The following TOB2 variants were observed in gnomAD, a reference collection of about 807,000 sequenced individuals.
The protein encoded by TOB2 is transducer of ERBB2, 2, also known as protein Tob2.
TOB2 carries 3 observed loss-of-function variants against 17.3 expected under a neutral mutation model. The ratio of observed to expected loss-of-function variants is 0.17; its 90% CI spans 0.08 to 0.45. The LOEUF (loss-of-function observed/expected upper bound fraction) is 0.45, where lower values mean the gene tolerates loss of function less well. Among genes scored for constraint, TOB2 ranks in the 20% least tolerant of loss-of-function variants. The pLI, the probability that TOB2 is intolerant of heterozygous loss-of-function variation, is 0.99. For synonymous variants in TOB2, 163 were observed against 185.6 expected (o/e 0.88, Z 0.99); for missense variants, 407 against 445.7 (o/e 0.91, Z 0.78).
At chr22:41,437,850 T>A (rs2037571140) in intron 1 of TOB2, among the ~76,000 whole-genome samples, 1 of 144,446 alleles carries the variant, frequency 6.9e-6, no homozygotes, top group Non-Finnish European at 1.5e-5. Context: ...CTTGGGAGGC[T>A]GAGGCAGGAG....
At chr22:41,444,769 C>G (rs2037663775) in intron 1 of TOB2, among the ~76,000 whole-genome samples, 1 of 152,224 alleles carries the variant, frequency 6.6e-6, no homozygotes, top group Non-Finnish European at 1.5e-5. Flanking sequence ...GAGAGCCTAA[C>G]TTTCCCACCT....
chr22:41,446,004 G>C (rs962062493), intron 1 of TOB2, among the ~76,000 whole-genome samples: 1 of 152,122 alleles, frequency 6.6e-6, no homozygotes, highest in Non-Finnish European at 1.5e-5. Context: ...TCCTTCCTCG[G>C]ATTTATTTAA....
chr22:41,433,631 AAC>A lies in TOB2; in HGVS notation c.*2678_*2679del, dbSNP rs924512631. On this transcript the variant is annotated 3_prime_UTR_variant, in exon 2 of 2. Transcript: ENST00000327492. ...AATGTCCCATTCCAAAATATTGCAC[AAC>A]ATTCTGAATACAAAACCCTTGATTG... 7 of 257,892 alleles carry A rather than the reference AAC, an allele frequency of 2.7e-5. No homozygotes were observed. The highest frequency in any genetic ancestry group is 5.8e-5 in the Non-Finnish European group (7 of 120,062). 16.0% of individuals were successfully genotyped at this position (257,892 alleles called of 1,614,324 possible). A position where few individuals can be genotyped will look rare whatever the true frequency, so the allele number is the denominator to read the frequency against.
At chr22:41,438,630 CAA>C (rs749494672) in intron 1 of TOB2, among the ~76,000 whole-genome samples, 50 of 12,674 alleles carry the variant, frequency 3.9e-3, no homozygotes, top group African/African-American at 6.8e-3. Flanking sequence ...AACTCTGTCT[CAA>C]AAAAAAAAAA....
At chr22:41,444,188 C>A (rs567607251) in intron 1 of TOB2, among the ~76,000 whole-genome samples, 1 of 152,158 alleles carries the variant, frequency 6.6e-6, no homozygotes, top group Non-Finnish European at 1.5e-5. Context: ...TGGTGAGACA[C>A]GGGATCCGCC....
In TOB2 at chr22:41,436,113, C is replaced by T. The variant is rs2037542898; in HGVS notation, c.*198G>A. 7 of 512,652 alleles carry T rather than the reference C, an allele frequency of 1.4e-5. No individual in the cohort carries two copies. Among genetic ancestry groups the T allele is most frequent in the Admixed American group, 3.8e-5 (1 of 26,168 alleles). The allele number at this position is 512,652 out of a possible 1,614,324, so 31.8% of individuals were successfully genotyped here. The stretch of plus-strand genomic sequence containing the variant: ...AATAAATCACAGGCCGGTGGGCGAG[C>T]GGTAAGGGGTGAGTGAAACACACTT... On this transcript the variant is annotated 3_prime_UTR_variant, in exon 2 of 2. Coordinates refer to ENST00000327492, the MANE Select transcript of TOB2 (RefSeq NM_016272.4). The surrounding 1 kb of genome is among the most constrained non-coding windows in gnomAD (Gnocchi z 4.8).
At chr22:41,438,431 C>A (rs2037577639) in intron 1 of TOB2, among the ~76,000 whole-genome samples, 1 of 151,626 alleles carries the variant, frequency 6.6e-6, no homozygotes, top group African/African-American at 2.4e-5. Context: ...GAGTTCGAGA[C>A]CAGCCTGACC....
rs531122735 is a variant in TOB2 at position 41,443,322 on chromosome 22, A to G, written c.-63+3057T>C. Reference sequence around the variant, plus strand: ...GCTCTAATGTCAGAAGCGAAGGAAGATTTTTTTCCCCCCCTCGAGACAGTC... The same window carrying G: ...GCTCTAATGTCAGAAGCGAAGGAAGGTTTTTTTCCCCCCCTCGAGACAGTC... On this transcript the variant is annotated intron_variant, in intron 1 of 1. Transcript: ENST00000327492. Among the ~76,000 whole-genome samples the G allele has an allele frequency of 2.0e-5, 3 of 152,054 alleles. No individual in the cohort carries two copies. In the South Asian group the frequency reaches 6.2e-4, roughly 32 times the overall value.
In TOB2 at chr22:41,437,373, C is replaced by G. The variant is rs2037566426; in HGVS notation, c.-28G>C. ...TCCTTTCCTAGGCAGAGAATCAGCA[C>G]AGGGCACGTGTACAGCCTTGGGCTC... On this transcript the variant is annotated 5_prime_UTR_variant, in exon 2 of 2. Transcript: ENST00000327492. 6.3e-7 allele frequency: 1 copy of G among 1,596,528 alleles called. No individual in the cohort carries two copies. Among genetic ancestry groups the G allele is most frequent in the Non-Finnish European group, 8.5e-7 (1 of 1,171,712 alleles).
intron 1 of TOB2, 48 bp from the exon 2 acceptor site, chr22:41,437,455 G>A (rs1054484128): frequency 1.1e-5 from 16 of 1,505,760 alleles, no homozygotes; most frequent in Non-Finnish European, 1.4e-5. Context: ...AGCTGGTGGT[G>A]ACCAACAGCT....
chr22:41,438,346 C>T (rs547691394), intron 1 of TOB2, among the ~76,000 whole-genome samples: 9 of 151,930 alleles, frequency 5.9e-5, no homozygotes, highest in East Asian at 1.9e-4. Flanking sequence ...TTAAGAACTC[C>T]GGCCAGGTGC....
intron 1 of TOB2, among the ~76,000 whole-genome samples, chr22:41,444,147 G>A (rs2037653565): frequency 1.3e-5 from 2 of 152,218 alleles, no homozygotes; most frequent in African/African-American, 4.8e-5. Context: ...TGTCCGGGGA[G>A]TGAGAGCCAA....
chr22:41,436,477 C>T lies in TOB2; in HGVS notation c.869G>A (p.Gly290Glu), dbSNP rs780491300. 4.3e-6 allele frequency: 7 copies of T among 1,614,158 alleles called. No homozygotes were observed. The highest frequency in any genetic ancestry group is 5.9e-6 in the Non-Finnish European group (7 of 1,180,002). The change falls in exon 2 of 2, where the codon GGG becomes GAG. Residue 290 changes from glycine to glutamate, a missense_variant. Physicochemically the swap from Gly to Glu is moderately conservative, Grantham distance 98. Coordinates refer to ENST00000327492, the MANE Select transcript of TOB2 (RefSeq NM_016272.4). The surrounding 1 kb of genome is among the most constrained non-coding windows in gnomAD (Gnocchi z 4.8). Reference protein sequence around the residue: ...SGTPGPFGGSGAGTCNSSSFD... With the variant: ...SGTPGPFGGSEAGTCNSSSFD... ...GCTGCTGCTGTTGCAGGTGCCAGCC[C>T]CACTGCCTCCAAACGGGCCTGGGGT...
rs1264125280 is a variant in TOB2 at position 41,435,685 on chromosome 22, T to A, written c.*626A>T. 1 of 152,790 alleles carries A rather than the reference T, an allele frequency of 6.5e-6. No homozygotes were observed. Among genetic ancestry groups the A allele is most frequent in the Non-Finnish European group, 1.5e-5 (1 of 68,202 alleles). 9.5% of individuals were successfully genotyped at this position (152,790 alleles called of 1,614,324 possible). On this transcript the variant is annotated 3_prime_UTR_variant, in exon 2 of 2. Transcript: ENST00000327492. ...TCTCCCTGTAGTCACAGACATCAGCTCCAGGGGGAGGGTGTCAAGTGGCCA... is the reference window on the plus strand; with the variant it reads ...TCTCCCTGTAGTCACAGACATCAGCACCAGGGGGAGGGTGTCAAGTGGCCA...
rs1404994740 is a variant in TOB2, at chr22:41,434,553, A to C, written c.*1758T>G. On this transcript the variant is annotated 3_prime_UTR_variant, in exon 2 of 2. Transcript: ENST00000327492. Reference sequence around the variant, plus strand: ...GGACATTGCCTGCCGGGGGAGGTAGAGCTGGTGCCTACTGCAGGGAGAGGA... The same window carrying C: ...GGACATTGCCTGCCGGGGGAGGTAGCGCTGGTGCCTACTGCAGGGAGAGGA... The C allele has an allele frequency of 6.5e-6, 1 of 153,058 alleles. No individual in the cohort carries two copies. 9.5% of individuals were successfully genotyped at this position (153,058 alleles called of 1,614,324 possible). A position where few individuals can be genotyped will look rare whatever the true frequency, so the allele number is the denominator to read the frequency against.
At chr22:41,438,680 A>C (rs1301100764) in intron 1 of TOB2, among the ~76,000 whole-genome samples, 1 of 150,322 alleles carries the variant, frequency 6.7e-6, no homozygotes, top group Non-Finnish European at 1.5e-5. Context: ...ACATAAGACA[A>C]GAGCATGAGC....
intron 1 of TOB2, among the ~76,000 whole-genome samples, chr22:41,444,731 T>C (rs1372292526): frequency 6.6e-6 from 1 of 152,244 alleles, no homozygotes; most frequent in Non-Finnish European, 1.5e-5. Flanking sequence ...CCGTATTGTA[T>C]GGCCCCACCA....
chr22:41,440,385 G>A (rs1446072147), intron 1 of TOB2, among the ~76,000 whole-genome samples: 2 of 151,732 alleles, frequency 1.3e-5, no homozygotes, highest in Non-Finnish European at 2.9e-5. Flanking sequence ...CCAAAGTGCT[G>A]GGATTACAGG....
chr22:41,443,749 G>A (rs1412089585), intron 1 of TOB2, among the ~76,000 whole-genome samples: 2 of 150,278 alleles, frequency 1.3e-5, no homozygotes, highest in African/African-American at 4.9e-5. Context: ...TCAGCCTCCC[G>A]AGTAACTGGG....
Sources: allele counts gnomAD v4.1 joint callset (sites outside exome capture counted in the v4.1 genomes callset), GRCh38; gene constraint gnomAD v4.1.1; non-coding constraint Gnocchi (gnomAD v3.1); transcripts MANE v1.5; gene names NCBI Gene and HGNC (gene_info 2026-07-23, HGNC 2026-07-21).